TENM3: variants seen among roughly 807,000 people sequenced by gnomAD.
TENM3 encodes the protein teneurin-3.
In TENM3, 63 loss-of-function variants were observed where a neutral mutation model predicts 255.1. That is an observed-to-expected ratio of 0.25 (90% CI 0.20 to 0.30). The LOEUF (loss-of-function observed/expected upper bound fraction) is 0.30, where lower values mean the gene tolerates loss of function less well. TENM3 is among the 10% of genes least tolerant of loss of function. TENM3 has a pLI of 1.00. For synonymous variants in TENM3, 1,306 were observed against 1,322.3 expected, an observed-to-expected ratio of 0.99 and a Z score of 0.27; for missense variants, 2,929 against 3,461.1, an observed-to-expected ratio of 0.85 and a Z score of 3.86.
chr4:182,352,910 G>A (rs536146128), intron 3 of TENM3, among the ~76,000 whole-genome samples: 2 of 152,176 alleles, frequency 1.3e-5, no homozygotes, highest in Non-Finnish European at 2.9e-5. Context: ...GGAAAGGAGG[G>A]CAGTGCCATT....
chr4:181,919,748 T>C, the TENM3 span, among the ~76,000 whole-genome samples: 1 of 152,004 alleles, frequency 6.6e-6, no homozygotes, highest in African/African-American at 2.4e-5. Flanking sequence ...TTTATTATTA[T>C]TATACTTTAG....
At chr4:182,434,266 G>C (rs1314869687) in intron 3 of TENM3, among the ~76,000 whole-genome samples, 1 of 152,124 alleles carries the variant, frequency 6.6e-6, no homozygotes, top group African/African-American at 2.4e-5. Flanking sequence ...TGATAACCTT[G>C]AGAAAAAAAG....
intron 1 of TENM3, among the ~76,000 whole-genome samples, chr4:182,256,800 A>G (rs766897659): frequency 3.3e-5 from 5 of 152,166 alleles, no homozygotes; most frequent in Non-Finnish European, 4.4e-5. Context: ...CACTTGTAAT[A>G]TAGCCCAATA....
At chr4:182,621,467 T>C (rs1253018218) in intron 4 of TENM3, among the ~76,000 whole-genome samples, 3 of 149,670 alleles carry the variant, frequency 2.0e-5, no homozygotes, top group South Asian at 4.2e-4. Context: ...TTCTGAGATT[T>C]AAAGTCAGTG....
chr4:182,738,856 A>G (rs1761382493), intron 18 of TENM3, among the ~76,000 whole-genome samples: 1 of 148,470 alleles, frequency 6.7e-6, no homozygotes, highest in African/African-American at 2.5e-5. Flanking sequence ...GTCAGCACAG[A>G]TTCACCTAGA....
the TENM3 span, among the ~76,000 whole-genome samples, chr4:182,078,837 A>G: frequency 6.6e-6 from 1 of 152,204 alleles, no homozygotes; most frequent in African/African-American, 2.4e-5. Context: ...AGTGGTGGAA[A>G]TGAATGGAAG....
chr4:181,681,191 C>T, the TENM3 span, among the ~76,000 whole-genome samples: 15 of 152,110 alleles, frequency 9.9e-5, no homozygotes, highest in East Asian at 2.9e-3. Flanking sequence ...GGAGCAAGTG[C>T]ATTTGAAAAA....
intron 1 of TENM3, among the ~76,000 whole-genome samples, chr4:182,158,917 AAAAT>A (rs1750902225): frequency 6.6e-6 from 1 of 152,246 alleles, no homozygotes; most frequent in Non-Finnish European, 1.5e-5. Context: ...CCATTATGTT[AAAAT>A]AATAAAAAGA....
the TENM3 span, among the ~76,000 whole-genome samples, chr4:181,789,009 G>A: frequency 6.6e-6 from 1 of 152,168 alleles, no homozygotes; most frequent in Non-Finnish European, 1.5e-5. Context: ...TTTAGGTGTA[G>A]AGGTAAGGCC....
the TENM3 span, among the ~76,000 whole-genome samples, chr4:181,785,815 T>TACACACAC: frequency 8.0e-5 from 12 of 149,230 alleles, 1 homozygote; most frequent in East Asian, 2.0e-4. Context: ...CACACACACA[T>TACACACAC]ACACACACAC....
chr4:181,465,288 A>T, the TENM3 span, among the ~76,000 whole-genome samples: 2 of 151,988 alleles, frequency 1.3e-5, no homozygotes, highest in Admixed American at 6.6e-5. Flanking sequence ...CTGAAAAAAA[A>T]AAAAACTTGG....
At chr4:182,707,722 C>T (rs1220803814) in intron 12 of TENM3, 1 of 152,174 alleles carries the variant, frequency 6.6e-6, no homozygotes, top group Non-Finnish European at 1.5e-5. Context: ...GACCAAGGAC[C>T]CGCAGGTCAT....
the TENM3 span, among the ~76,000 whole-genome samples, chr4:181,958,197 A>G: frequency 1.3e-5 from 2 of 152,218 alleles, no homozygotes; most frequent in Non-Finnish European, 2.9e-5. Context: ...ACATAGACAC[A>G]TAATCTTGCC....
chr4:182,680,760 A>G, intron 10 of TENM3, 23 bp downstream of exon 10: 1 of 1,496,580 alleles, frequency 6.7e-7, no homozygotes, highest in Non-Finnish European at 9.0e-7. Context: ...ATATTCACAG[A>G]AGTCTGTTGT....
At chr4:182,053,342 G>A in the TENM3 span, among the ~76,000 whole-genome samples, 1 of 152,202 alleles carries the variant, frequency 6.6e-6, no homozygotes, top group African/African-American at 2.4e-5. Flanking sequence ...ACAATGAGTA[G>A]TTGATAAATT....
At chr4:181,592,256 AAC>A in the TENM3 span, among the ~76,000 whole-genome samples, 91 of 148,270 alleles carry the variant, frequency 6.1e-4, no homozygotes, top group Admixed American at 9.4e-4. Flanking sequence ...TTTAAACACA[AAC>A]ACACACACAC....
At chr4:182,263,253 G>A (rs1007531540) in intron 1 of TENM3, among the ~76,000 whole-genome samples, 4 of 152,084 alleles carry the variant, frequency 2.6e-5, no homozygotes, top group African/African-American at 9.7e-5. Context: ...GCACTGATTG[G>A]GTGACAGTGG....
At chr4:181,987,789 G>T in the TENM3 span, among the ~76,000 whole-genome samples, 4 of 149,844 alleles carry the variant, frequency 2.7e-5, no homozygotes, top group South Asian at 2.1e-4. Flanking sequence ...TATAGAGAGA[G>T]ATATCTTTTC....
intron 1 of TENM3, among the ~76,000 whole-genome samples, chr4:182,221,690 A>G (rs2149964322): frequency 6.6e-6 from 1 of 152,354 alleles, no homozygotes; most frequent in Non-Finnish European, 1.5e-5. Flanking sequence ...TGTTTAAATT[A>G]ATCAGAGGAA....
Sources: allele counts gnomAD v4.1 joint callset (sites outside exome capture counted in the v4.1 genomes callset), GRCh38; gene constraint gnomAD v4.1.1; transcripts MANE v1.5; gene names NCBI Gene and HGNC (gene_info 2026-07-23, HGNC 2026-07-21).